WNT9B: variants seen among roughly 807,000 people sequenced by gnomAD.
The protein encoded by WNT9B is Wnt family member 9B.
In WNT9B, 12 loss-of-function variants were observed where a neutral mutation model predicts 30.2. The ratio of observed to expected loss-of-function variants is 0.40; its 90% CI spans 0.26 to 0.64. The LOEUF (loss-of-function observed/expected upper bound fraction) is 0.64. Among genes scored for constraint, WNT9B ranks in the 30% least tolerant of loss-of-function variants. WNT9B has a pLI of 0.42. For synonymous variants in WNT9B, 218 were observed against 216.9 expected (o/e 1.01, Z -0.05); for missense variants, 442 against 485.2 (o/e 0.91, Z 0.84).
chr17:46,855,440 G>A (rs898599388), intron 1 of WNT9B, among the ~76,000 whole-genome samples: 2 of 152,168 alleles, frequency 1.3e-5, no homozygotes, highest in African/African-American at 2.4e-5. Flanking sequence ...GCTAGTCCTG[G>A]CTCTGGGACA....
chr17:46,845,471 A>G (rs1461018637), intron 1 of WNT9B, among the ~76,000 whole-genome samples: 3 of 147,656 alleles, frequency 2.0e-5, no homozygotes, highest in African/African-American at 7.5e-5. Flanking sequence ...GGGACAATGG[A>G]GTGAGTTATC....
intron 1 of WNT9B, among the ~76,000 whole-genome samples, chr17:46,844,468 G>T (rs942621611): frequency 5.3e-5 from 8 of 152,232 alleles, no homozygotes; most frequent in Non-Finnish European, 1.2e-4. Flanking sequence ...CTGTCTACCA[G>T]TCAGGACACA....
intron 1 of WNT9B, among the ~76,000 whole-genome samples, chr17:46,865,623 T>C (rs2085120641): frequency 6.6e-6 from 1 of 151,916 alleles, no homozygotes; most frequent in Non-Finnish European, 1.5e-5. Context: ...GAAAAGTCCT[T>C]TTTGGTGTGT....
At chr17:46,857,712 T>C (rs2084963110) in intron 1 of WNT9B, among the ~76,000 whole-genome samples, 1 of 152,208 alleles carries the variant, frequency 6.6e-6, no homozygotes, top group African/African-American at 2.4e-5. Flanking sequence ...AGAGTTCCAG[T>C]TGCTCCATAT....
chr17:46,833,581 G>T (rs1362523787), intron 1 of WNT9B: 1 of 374,806 alleles, frequency 2.7e-6, no homozygotes, highest in Non-Finnish European at 5.3e-6. Flanking sequence ...CTCCTGCTCA[G>T]TGTGGTGGGC....
chr17:46,882,913 G>A (rs1003094023), downstream of WNT9B, among the ~76,000 whole-genome samples: 2 of 152,062 alleles, frequency 1.3e-5, no homozygotes, highest in African/African-American at 4.8e-5. Flanking sequence ...CCCCACACAG[G>A]CATTCCTGTG....
intron 1 of WNT9B, among the ~76,000 whole-genome samples, chr17:46,845,877 G>A (rs966446382): frequency 1.2e-4 from 17 of 139,746 alleles, no homozygotes; most frequent in Non-Finnish European, 2.3e-4. Context: ...TGCAAACTCC[G>A]CCTCCTGAGT....
Position 46,879,064 on chromosome 17 carries a change from C to T in WNT9B, c.*2346C>T, listed in dbSNP as rs1299544080. 1.3e-5 allele frequency among the ~76,000 whole-genome samples: 2 copies of T among 152,214 alleles called. No homozygotes were observed. The highest frequency in any genetic ancestry group is 2.9e-5 in the Non-Finnish European group (2 of 68,034). ...ATTCTACAGCTTTAAGGGAAATGCT[C>T]ACAGGGTATTTTTGTCTACCTCAAA... is the stretch of plus-strand genomic sequence containing the variant. On this transcript the variant is annotated 3_prime_UTR_variant, in exon 4 of 4. Transcript: ENST00000290015.
chr17:46,884,629 C>A (rs2085467450), downstream of WNT9B, among the ~76,000 whole-genome samples: 1 of 152,220 alleles, frequency 6.6e-6, no homozygotes, highest in African/African-American at 2.4e-5. Flanking sequence ...GTACCAAGTG[C>A]TCTGCAGAGT....
upstream of WNT9B, among the ~76,000 whole-genome samples, chr17:46,849,281 A>G (rs756487562): frequency 6.6e-6 from 1 of 152,238 alleles, no homozygotes; most frequent in African/African-American, 2.4e-5. Flanking sequence ...AGGCTTACCC[A>G]TCAGACATCA....
At chr17:46,845,062 T>C (rs2084759690) in intron 1 of WNT9B, among the ~76,000 whole-genome samples, 1 of 152,222 alleles carries the variant, frequency 6.6e-6, no homozygotes, top group South Asian at 2.1e-4. Flanking sequence ...TTGACCAGTC[T>C]GGTCTGGAAC....
Position 46,876,790 on chromosome 17 carries a change from C to T in WNT9B, c.*72C>T. ...GCACCCTTCAAGCTGCCCAGCCGGC[C>T]CTCTGGGCAGACTGTCATCACATGC... On this transcript the variant is annotated 3_prime_UTR_variant, in exon 4 of 4. Coordinates refer to ENST00000290015, the MANE Select transcript of WNT9B (RefSeq NM_003396.3). 6.8e-7 allele frequency: 1 copy of T among 1,465,754 alleles called. No homozygotes were observed. The highest frequency in any genetic ancestry group is 9.0e-7 in the Non-Finnish European group (1 of 1,105,288). 90.8% of individuals were successfully genotyped at this position (1,465,754 alleles called of 1,614,324 possible).
At chr17:46,876,183 G>A in intron 3 of WNT9B, 62 bp from the exon 4 acceptor site, 1 of 1,472,800 alleles carries the variant, frequency 6.8e-7, no homozygotes, top group Non-Finnish European at 9.1e-7. Context: ...GGTGCTCTGG[G>A]GGCAGGCTCT....
chr17:46,865,183 T>C (rs1455427951), intron 1 of WNT9B, among the ~76,000 whole-genome samples: 1 of 152,082 alleles, frequency 6.6e-6, no homozygotes, highest in Non-Finnish European at 1.5e-5. Context: ...AGAAAAAGCA[T>C]TTCCTTCACA....
At position 46,876,708 on chromosome 17, in the gene WNT9B, G is replaced by T; in HGVS notation, c.1064G>T (p.Cys355Phe). ...GTGCAGGAGGAGCTTGTGTACACCTGCAAGCACTAGGCCTACTGCCCAGCA... is the reference window on the plus strand; with the variant it reads ...GTGCAGGAGGAGCTTGTGTACACCTTCAAGCACTAGGCCTACTGCCCAGCA... ...QCVQEELVYT[C>F]KH Residue 355 changes from cysteine (C) to phenylalanine (F), a missense_variant, in exon 4 of 4, where the codon TGC becomes TTC. Transcript: ENST00000290015. 6.4e-7 allele frequency: 1 copy of T among 1,550,790 alleles called. No homozygotes were observed. Among genetic ancestry groups the T allele is most frequent in the Non-Finnish European group, 8.7e-7 (1 of 1,143,404 alleles).
intron 3 of WNT9B, among the ~76,000 whole-genome samples, chr17:46,875,672 T>A (rs2085333721): frequency 6.6e-6 from 1 of 151,836 alleles, no homozygotes; most frequent in African/African-American, 2.4e-5. Context: ...TGGAGAGGGG[T>A]CTCCATTCCA....
intron 1 of WNT9B, among the ~76,000 whole-genome samples, chr17:46,833,936 C>T (rs2084589680): frequency 6.6e-6 from 1 of 152,142 alleles, no homozygotes; most frequent in South Asian, 2.1e-4. Flanking sequence ...TGGCTCATAC[C>T]TGTAATCCCA....
chr17:46,852,467 G>A lies in WNT9B; in HGVS notation c.77+752G>A, dbSNP rs542049979. ...ACATGGTTGGAAAAGGAGGATCACA[G>A]TGGGGGGTGACACCTGGGGGACAGT... On this transcript the variant is annotated intron_variant, in intron 1 of 3. Transcript: ENST00000290015. 3.0e-4 allele frequency among the ~76,000 whole-genome samples: 46 copies of A among 150,906 alleles called. No homozygotes were observed. The South Asian group carries it at 3.4e-3, about 11-fold the overall frequency.
At chr17:46,885,309 A>ATTT (rs34009460), downstream of WNT9B, 6 of 210,024 alleles carry the variant, frequency 2.9e-5, no homozygotes, top group East Asian at 1.8e-4. Flanking sequence ...CCTGGCCAGC[A>ATTT]TTTTTTTTTT....
Sources: allele counts gnomAD v4.1 joint callset (sites outside exome capture counted in the v4.1 genomes callset), GRCh38; gene constraint gnomAD v4.1.1; transcripts MANE v1.5; gene names NCBI Gene and HGNC (gene_info 2026-07-23, HGNC 2026-07-21).